Variants in MYH11 observed in about 807,000 individuals in gnomAD.
MYH11 encodes the protein myosin heavy chain 11.
Under a neutral mutation model 246.6 loss-of-function variants are expected in MYH11, and 80 were observed. The ratio of observed to expected loss-of-function variants is 0.32; its 90% CI spans 0.27 to 0.39. The LOEUF (loss-of-function observed/expected upper bound fraction) is 0.39. Among genes scored for constraint, MYH11 ranks in the 10% least tolerant of loss-of-function variants. The pLI, the probability that MYH11 is intolerant of heterozygous loss-of-function variation, is 1.00. For synonymous variants in MYH11, 1,071 were observed against 1,015.5 expected (o/e 1.05, Z -1.04); for missense variants, 2,158 against 2,546.8 (o/e 0.85, Z 3.29).
intron 38 of MYH11, 73 bp from the exon 39 acceptor site, chr16:15,715,345 G>A (rs1465994811): frequency 6.8e-7 from 1 of 1,466,006 alleles, no homozygotes; most frequent in African/African-American, 1.4e-5. Flanking sequence ...TCACCTGGAG[G>A]TGGCATCTTG....
chr16:15,808,499 C>T (rs543863219), intron 3 of MYH11, among the ~76,000 whole-genome samples: 2 of 152,178 alleles, frequency 1.3e-5, no homozygotes, highest in Non-Finnish European at 1.5e-5. Flanking sequence ...ACTCTCCCGG[C>T]AGAGTTGGTT....
intron 8 of MYH11, 187 bp downstream of exon 8, chr16:15,775,888 AATG>A: frequency 1.5e-6 from 1 of 645,298 alleles, no homozygotes; most frequent in South Asian, 1.8e-5. Flanking sequence ...GTGCTCAGTA[AATG>A]AGAATGACTG....
intron 1 of MYH11, among the ~76,000 whole-genome samples, chr16:15,846,104 A>T (rs2044184161): frequency 6.6e-6 from 1 of 152,066 alleles, no homozygotes; most frequent in Non-Finnish European, 1.5e-5. Context: ...ATCTCAAAAA[A>T]AAAGAAGTGT....
At chr16:15,812,208 G>A (rs564978567) in intron 3 of MYH11, among the ~76,000 whole-genome samples, 77 of 152,090 alleles carry the variant, frequency 5.1e-4, no homozygotes, top group Non-Finnish European at 9.7e-4. Flanking sequence ...ATTTGGCTCT[G>A]ACACTTAACA....
intron 2 of MYH11, among the ~76,000 whole-genome samples, chr16:15,834,911 G>GTT (rs11414157): frequency 0.36 from 47,698 of 131,888 alleles, 8,983 homozygotes; most frequent in Admixed American, 0.43. Flanking sequence ...CTCTACAGAA[G>GTT]TTTTTTTTTT....
At chr16:15,727,422 A>C (rs1478121950) in intron 27 of MYH11, among the ~76,000 whole-genome samples, 1 of 151,942 alleles carries the variant, frequency 6.6e-6, no homozygotes, top group African/African-American at 2.4e-5. Context: ...GCTGCTCTCG[A>C]ACTCCTGACC....
intron 12 of MYH11, among the ~76,000 whole-genome samples, chr16:15,758,265 C>T (rs754470517): frequency 5.3e-5 from 8 of 152,188 alleles, no homozygotes; most frequent in Non-Finnish European, 8.8e-5. Context: ...GGACAAACCT[C>T]GTAAGGCACG....
chr16:15,823,330 T>G lies in MYH11; in HGVS notation c.427A>C (p.Lys143Gln). 1.2e-6 allele frequency: 2 copies of G among 1,614,192 alleles called. No individual in the cohort carries two copies. Among genetic ancestry groups the G allele is most frequent in the Non-Finnish European group, 8.5e-7 (1 of 1,180,026 alleles). ...GGCATCTCGTGCCTCTTCTTGCCCTTGTACATGTCGACGATCTTCTCCGAG... is the reference window on the plus strand; with the variant it reads ...GGCATCTCGTGCCTCTTCTTGCCCTGGTACATGTCGACGATCTTCTCCGAG... ...IYSEKIVDMY[K>Q]GKKRHEMPPH... The change falls in exon 3 of 41, where the codon AAG becomes CAG. Residue 143 changes from lysine (K) to glutamine (Q), a missense_variant. Physicochemically the swap from Lys to Gln is moderately conservative, Grantham distance 53. Transcript: ENST00000300036.
chr16:15,823,437 T>G (rs1430073611), intron 2 of MYH11, 26 bp from the exon 3 acceptor site: 24 of 1,613,974 alleles, frequency 1.5e-5, no homozygotes, highest in Non-Finnish European at 1.9e-5. Context: ...CCAGCTTACT[T>G]CCAGACCTCC....
rs368288267 is a variant in MYH11, at chr16:15,730,329, C to T, written c.3651+2235G>A. 2.8e-5 allele frequency among the ~76,000 whole-genome samples: 4 copies of T among 145,338 alleles called. No homozygotes were observed. The Admixed American group carries it at 2.9e-4, about 10-fold the overall frequency. ...GGTGGATCACCTGAGGTCAGGAGTT[C>T]GAGATCAGCCTGGCCAACATGGCAA... On this transcript the variant is annotated intron_variant, in intron 27 of 40. Transcript: ENST00000300036.
chr16:15,839,420 C>T (rs750266464), intron 1 of MYH11, among the ~76,000 whole-genome samples: 10 of 151,496 alleles, frequency 6.6e-5, no homozygotes, highest in African/African-American at 1.7e-4. Flanking sequence ...CGGCCGGGCG[C>T]GGTGGCTCAC....
chr16:15,784,926 TG>T (rs1459059406), intron 5 of MYH11: 7 of 553,164 alleles, frequency 1.3e-5, no homozygotes, highest in African/African-American at 3.8e-5. Flanking sequence ...CTCAACCTAC[TG>T]GGCTCAGGCA....
chr16:15,716,545 A>G (rs1418687841), intron 38 of MYH11, among the ~76,000 whole-genome samples: 1 of 151,922 alleles, frequency 6.6e-6, no homozygotes, highest in Non-Finnish European at 1.5e-5. Flanking sequence ...TGTGTGTGGA[A>G]GGGTCCCACT....
intron 4 of MYH11, among the ~76,000 whole-genome samples, chr16:15,797,403 CG>C (rs1261318437): frequency 6.6e-6 from 1 of 151,932 alleles, no homozygotes; most frequent in African/African-American, 2.4e-5. Context: ...TTCCACTCAA[CG>C]GTATTATCTA....
chr16:15,745,170 G>A lies in MYH11; in HGVS notation c.2479C>T (p.Leu827Phe). 1 of 1,614,178 alleles carries A rather than the reference G, an allele frequency of 6.2e-7. No homozygotes were observed. The highest frequency in any genetic ancestry group is 8.5e-7 in the Non-Finnish European group (1 of 1,180,034). ...CACCACTGCCAGTTCCGCAGCTTGA[G>A]GTAGGCGGCGCAGTTCCTCTGAATC... is the stretch of plus-strand genomic sequence containing the variant. ...KVIQRNCAAY[L>F]KLRNWQWWRL... Residue 827 changes from leucine to phenylalanine, a missense_variant, in exon 20 of 41, where the codon CTC (leucine) becomes TTC (phenylalanine). This residue lies in a region of MYH11 where 90 missense variants were observed against 144.2 expected (regional missense o/e 0.62). Transcript: ENST00000300036.
intron 9 of MYH11, among the ~76,000 whole-genome samples, chr16:15,765,759 C>T (rs772581190): frequency 3.1e-4 from 47 of 152,196 alleles, no homozygotes; most frequent in Non-Finnish European, 4.4e-5. Context: ...GGTAGAAAGC[C>T]TTCTCCCCAA....
chr16:15,793,043 A>AT (rs1190054608), intron 4 of MYH11, among the ~76,000 whole-genome samples: 1 of 151,928 alleles, frequency 6.6e-6, no homozygotes, highest in Non-Finnish European at 1.5e-5. Flanking sequence ...CCTGTCATCC[A>AT]TTTTAGACGA....
At position 15,787,107 on chromosome 16, in the gene MYH11, GA is replaced by G. The variant is rs535253716; in HGVS notation, c.531-376del. Among the ~76,000 whole-genome samples, 73 of 151,420 alleles carry G rather than the reference GA, an allele frequency of 4.8e-4. 1 individual carries two copies. The South Asian group carries it at 0.013, about 27-fold the overall frequency. Reference sequence around the variant, plus strand: ...GCAACACAGAGAGACACTGCCTCTAGAAAAAGATTTAAAAATTAGCCAGGCA... The same window carrying G: ...GCAACACAGAGAGACACTGCCTCTAGAAAAGATTTAAAAATTAGCCAGGCA... On this transcript the variant is annotated intron_variant, in intron 4 of 40. Coordinates refer to ENST00000300036, the MANE Select transcript of MYH11 (RefSeq NM_002474.3).
chr16:15,800,012 G>A (rs2151323888), intron 3 of MYH11, among the ~76,000 whole-genome samples: 1 of 151,358 alleles, frequency 6.6e-6, no homozygotes, highest in South Asian at 2.1e-4. Flanking sequence ...GGGTAGATGG[G>A]TAGGTAGATG....
Sources: allele counts gnomAD v4.1 joint callset (sites outside exome capture counted in the v4.1 genomes callset), GRCh38; gene constraint gnomAD v4.1.1; regional missense constraint gnomAD v4.1.1; transcripts MANE v1.5; gene names NCBI Gene and HGNC (gene_info 2026-07-23, HGNC 2026-07-21).